The following ANAPC10 variants were observed in gnomAD, a reference collection of about 807,000 sequenced individuals.
The protein encoded by ANAPC10 is anaphase-promoting complex subunit 10.
Under a neutral mutation model 22.0 loss-of-function variants are expected in ANAPC10, and 12 were observed. The observed-to-expected ratio is 0.55, with a 90% CI of 0.35 to 0.88. The LOEUF is 0.88. Ranked by LOEUF, ANAPC10 falls within the 40% of genes least tolerant of loss-of-function variation. The probability of loss-of-function intolerance (pLI) is 0.01; values close to 1 mark genes in which losing one functional copy is unlikely to be tolerated. For missense variants in ANAPC10, 188 were observed against 220.9 expected (o/e 0.85, Z 0.94); for synonymous variants, 65 against 69.5 (o/e 0.94, Z 0.32).
intron 4 of ANAPC10, among the ~76,000 whole-genome samples, chr4:145,046,675 C>T (rs1740344965): frequency 1.3e-5 from 2 of 151,906 alleles, no homozygotes; most frequent in Admixed American, 1.3e-4. Context: ...TACTCGAATG[C>T]CAGGGGAAAT....
intron 4 of ANAPC10, among the ~76,000 whole-genome samples, chr4:145,062,027 C>T (rs1166442425): frequency 6.6e-6 from 1 of 150,476 alleles, no homozygotes; most frequent in Non-Finnish European, 1.5e-5. Flanking sequence ...CAGGCCATTG[C>T]ACTCCAGCCT....
intron 4 of ANAPC10, among the ~76,000 whole-genome samples, chr4:145,060,656 A>G (rs1403052845): frequency 1.3e-5 from 2 of 152,074 alleles, no homozygotes; most frequent in African/African-American, 4.8e-5. Flanking sequence ...CCACGGAAAA[A>G]TAAAAAAGAT....
At chr4:145,087,652 A>T (rs1747088900) in intron 2 of ANAPC10, among the ~76,000 whole-genome samples, 1 of 152,228 alleles carries the variant, frequency 6.6e-6, no homozygotes, top group African/African-American at 2.4e-5. Context: ...CAATAGTTTC[A>T]TGTAGCTAGT....
chr4:145,079,493 A>G (rs1361461839), intron 3 of ANAPC10, among the ~76,000 whole-genome samples: 1 of 152,270 alleles, frequency 6.6e-6, no homozygotes, highest in Non-Finnish European at 1.5e-5. Context: ...AATTTAAAAC[A>G]TAACTACTAT....
intron 4 of ANAPC10, among the ~76,000 whole-genome samples, chr4:145,015,136 A>G (rs1734907110): frequency 2.0e-5 from 3 of 152,094 alleles, no homozygotes; most frequent in African/African-American, 7.2e-5. Flanking sequence ...TTATTAAGCT[A>G]TTTCGAGAGG....
chr4:145,075,553 G>C (rs1224782491), intron 3 of ANAPC10, among the ~76,000 whole-genome samples: 2 of 151,986 alleles, frequency 1.3e-5, no homozygotes, highest in East Asian at 3.9e-4. Context: ...AGAGTGGACA[G>C]AGGGAGGACC....
intron 4 of ANAPC10, among the ~76,000 whole-genome samples, chr4:145,062,649 T>A (rs1158828184): frequency 6.6e-6 from 1 of 151,966 alleles, no homozygotes; most frequent in Admixed American, 6.6e-5. Flanking sequence ...TAATTGTCTA[T>A]AACAAGACCA....
At chr4:145,016,335 C>G (rs1735130085) in intron 4 of ANAPC10, among the ~76,000 whole-genome samples, 2 of 152,090 alleles carry the variant, frequency 1.3e-5, no homozygotes, top group African/African-American at 2.4e-5. Context: ...AACAAACAAA[C>G]AGAGAGCCAA....
intron 4 of ANAPC10, among the ~76,000 whole-genome samples, chr4:145,030,655 T>C (rs752107237): frequency 1.1e-4 from 17 of 152,154 alleles, no homozygotes; most frequent in Non-Finnish European, 2.1e-4. Context: ...GAATGCATAA[T>C]TGGCATAGAC....
At chr4:144,998,915 TA>T (rs1206897796) in intron 4 of ANAPC10, among the ~76,000 whole-genome samples, 1 of 151,746 alleles carries the variant, frequency 6.6e-6, no homozygotes, top group East Asian at 1.9e-4. Flanking sequence ...ATAGACACAA[TA>T]AAAAATGATA....
At chr4:145,054,640 T>TGTGTGTGC (rs1353005943) in intron 4 of ANAPC10, among the ~76,000 whole-genome samples, 33 of 90,318 alleles carry the variant, frequency 3.7e-4, no homozygotes, top group African/African-American at 1.2e-3. Flanking sequence ...TGTGTGTGTG[T>TGTGTGTGC]GCGCGCGCGC....
rs936956025 is a variant in ANAPC10 at position 145,066,203 on chromosome 4, G to A, written c.207-1511C>T. ...TGTAGCCTAAGCTATTCATTAGAAAGGAATAGGGAAAGTTAAGCACTTTTC... is the reference window on the plus strand; with the variant it reads ...TGTAGCCTAAGCTATTCATTAGAAAAGAATAGGGAAAGTTAAGCACTTTTC... On this transcript the variant is annotated intron_variant, in intron 3 of 4. Transcript: ENST00000507656. 8.3e-4 allele frequency among the ~76,000 whole-genome samples: 127 copies of A among 152,174 alleles called. 1 individual carries two copies. The Middle Eastern group carries it at 0.01, about 12-fold the overall frequency.
intron 4 of ANAPC10, among the ~76,000 whole-genome samples, chr4:145,053,994 T>G (rs1053684848): frequency 2.0e-5 from 3 of 151,740 alleles, no homozygotes; most frequent in African/African-American, 7.3e-5. Flanking sequence ...CTGCAACCTC[T>G]GCCTCCCAGG....
intron 4 of ANAPC10, chr4:145,063,965 T>A (rs572462005): frequency 3.6e-4 from 55 of 152,142 alleles, no homozygotes; most frequent in African/African-American, 1.3e-3. Context: ...TAATAGTTAT[T>A]TCTGAGGGTA....
intron 4 of ANAPC10, among the ~76,000 whole-genome samples, chr4:145,010,675 G>C (rs1734160108): frequency 6.6e-6 from 1 of 152,042 alleles, no homozygotes; most frequent in Admixed American, 6.6e-5. Context: ...GCCTGTCGTG[G>C]GGTGGGGAAA....
At chr4:145,082,204 C>T (rs1388395854) in intron 2 of ANAPC10, among the ~76,000 whole-genome samples, 4 of 152,224 alleles carry the variant, frequency 2.6e-5, no homozygotes, top group Non-Finnish European at 5.9e-5. Context: ...AGCTGGAGTG[C>T]AATGGCACAA....
At chr4:145,003,410 G>A (rs774231421) in intron 4 of ANAPC10, among the ~76,000 whole-genome samples, 19 of 152,126 alleles carry the variant, frequency 1.2e-4, no homozygotes, top group South Asian at 4.1e-4. Flanking sequence ...TGGAATTTGT[G>A]GGTGAAATGG....
intron 4 of ANAPC10, among the ~76,000 whole-genome samples, chr4:145,042,645 C>T (rs1739679984): frequency 6.6e-6 from 1 of 151,914 alleles, no homozygotes. Flanking sequence ...AAACAGAATC[C>T]CTCACAAATT....
intron 4 of ANAPC10, among the ~76,000 whole-genome samples, chr4:145,028,700 G>A (rs369831396): frequency 4.5e-4 from 68 of 152,276 alleles, no homozygotes; most frequent in African/African-American, 1.6e-3. Flanking sequence ...ACTGTTTAGA[G>A]AGTTATGCAA....
Sources: gnomAD v4.1 joint callset for allele counts (sites outside exome capture counted in the v4.1 genomes callset) on GRCh38, gnomAD v4.1.1 for gene constraint, MANE v1.5 for transcripts, NCBI Gene and HGNC (gene_info 2026-07-23, HGNC 2026-07-21) for gene names.